ZNF208: variants seen among roughly 807,000 people sequenced by gnomAD.
ZNF208 encodes the protein zinc finger protein 208, also known as zinc finger protein 95.
ZNF208 carries 10 observed loss-of-function variants against 12.1 expected under a neutral mutation model. The ratio of observed to expected loss-of-function variants is 0.83; its 90% CI spans 0.51 to 1.40. ZNF208 has a LOEUF of 1.40. Among genes scored for constraint, ZNF208 ranks in the 40% most tolerant of loss-of-function variants. The pLI is 0.00. For missense variants in ZNF208, 1,652 were observed against 1,485.0 expected, an observed-to-expected ratio of 1.11 and a Z score of -1.85; for synonymous variants, 497 against 488.4, an observed-to-expected ratio of 1.02 and a Z score of -0.23.
Position 21,972,178 on chromosome 19 carries a change from T to A in ZNF208, c.2856A>T (p.Lys952Asn), listed in dbSNP as rs1438693939. The A allele has an allele frequency of 3.3e-5, 53 of 1,608,276 alleles. No homozygotes were observed. Among genetic ancestry groups the A allele is most frequent in the Middle Eastern group, 3.3e-4 (2 of 6,036 alleles). ...EKFYKCEACG[K>N]AYKSSSTLSY... ...TAAGGGTTGAGGATGACTTATAGGC[T>A]TTGCCACATGCTTCACATTTGTAGA... The change falls in exon 4 of 4, where the codon AAA (lysine) becomes AAT (asparagine). Residue 952 changes from lysine (K) to asparagine (N), a missense_variant. Physicochemically the swap from Lys to Asn is moderately conservative, Grantham distance 94. Transcript: ENST00000397126.
intron 1 of ZNF208, among the ~76,000 whole-genome samples, chr19:22,006,284 A>G (rs778760904): frequency 4.3e-4 from 66 of 152,136 alleles, no homozygotes; most frequent in Non-Finnish European, 7.9e-4. Flanking sequence ...TAGGAAAAAA[A>G]GCCCTTTTCT....
chr19:21,963,170 C>A (rs1439155266), downstream of ZNF208, among the ~76,000 whole-genome samples: 1 of 151,998 alleles, frequency 6.6e-6, no homozygotes, highest in Non-Finnish European at 1.5e-5. Context: ...TGGTGATACT[C>A]CTGTGCCAAA....
Position 21,970,704 on chromosome 19 carries a change from A to C in ZNF208, c.*487T>G. ...CTTCTCATTTGTAGAGTTTCTCTCC[A>C]GCATGAATTTTCTTATGTGTAGGAG... On this transcript the variant is annotated 3_prime_UTR_variant, in exon 4 of 4. Transcript: ENST00000397126. The C allele has an allele frequency of 8.5e-7, 1 of 1,174,544 alleles. No individual in the cohort carries two copies. Among genetic ancestry groups the C allele is most frequent in the African/African-American group, 1.5e-5 (1 of 66,176 alleles). 72.8% of individuals were successfully genotyped at this position (1,174,544 alleles called of 1,614,324 possible).
At chr19:21,964,238 TATACATTTTATTTCAA>T (rs1402602702), downstream of ZNF208, among the ~76,000 whole-genome samples, 1 of 151,888 alleles carries the variant, frequency 6.6e-6, no homozygotes, top group African/African-American at 2.4e-5. Context: ...CATACACATA[TATACATTTTATTTCAA>T]ATGGCTTGCT....
chr19:21,981,574 T>C (rs556697132), intron 3 of ZNF208, among the ~76,000 whole-genome samples: 1 of 152,240 alleles, frequency 6.6e-6, no homozygotes, highest in South Asian at 2.1e-4. Context: ...TAATAAGAGC[T>C]ATGTATGACA....
intron 4 of ZNF208, among the ~76,000 whole-genome samples, chr19:21,960,536 TTA>T (rs1362953839): frequency 6.6e-6 from 1 of 152,176 alleles, no homozygotes; most frequent in Non-Finnish European, 1.5e-5. Flanking sequence ...GAAAAATGTC[TTA>T]GAGGTGGGCT....
At chr19:21,953,192 G>A (rs10407563) in intron 4 of ZNF208, among the ~76,000 whole-genome samples, 4 of 152,152 alleles carry the variant, frequency 2.6e-5, no homozygotes, top group Admixed American at 6.5e-5. Flanking sequence ...CATTTGATAC[G>A]TGTACCTGAA....
chr19:21,994,763 T>C (rs191567380), intron 1 of ZNF208, among the ~76,000 whole-genome samples: 14 of 152,204 alleles, frequency 9.2e-5, no homozygotes, highest in Non-Finnish European at 1.8e-4. Context: ...CTTCCGTTTA[T>C]AAGTTCAGGT....
chr19:21,973,120 T>A lies in ZNF208; in HGVS notation c.1914A>T (p.Lys638Asn), dbSNP rs151216289. ...KAIHAGEKPY[K>N]CKECGKTFIK... is the part of the protein sequence containing the mutation. ...TAAAGGTTTTGCCACATTCTTTACATTTGTAGGGCTTCTCTCCAGCATGAA... is the reference window on the plus strand; with the variant it reads ...TAAAGGTTTTGCCACATTCTTTACAATTGTAGGGCTTCTCTCCAGCATGAA... The change falls in exon 4 of 4, where the codon AAA becomes AAT. Residue 638 changes from lysine to asparagine, a missense_variant. By Grantham distance (94) the Lys-to-Asn change is moderately conservative. This residue lies in a region of ZNF208 where 1,239 missense variants were observed against 1,086.2 expected (regional missense o/e 1.14). Coordinates refer to ENST00000397126, the MANE Select transcript of ZNF208 (RefSeq NM_007153.3). 1.6e-3 allele frequency: 2,644 copies of A among 1,607,546 alleles called. 75 individuals are homozygous for A. In the African/African-American group the frequency reaches 0.032, roughly 19 times the overall value.
chr19:22,008,477 A>T (rs1971089012), intron 1 of ZNF208, among the ~76,000 whole-genome samples: 1 of 150,790 alleles, frequency 6.6e-6, no homozygotes, highest in Non-Finnish European at 1.5e-5. Flanking sequence ...CTCTCAGGAG[A>T]CTCTGAACTA....
At chr19:21,954,170 C>T (rs1244837511) in intron 4 of ZNF208, among the ~76,000 whole-genome samples, 1 of 152,174 alleles carries the variant, frequency 6.6e-6, no homozygotes, top group Admixed American at 6.6e-5. Context: ...ATCCTGAGTT[C>T]TAATTTGATT....
rs1197595707 is a variant in ZNF208 at position 21,968,809 on chromosome 19, C to A, written c.*2382G>T. Among the ~76,000 whole-genome samples the A allele has an allele frequency of 2.0e-5, 3 of 151,966 alleles. No individual in the cohort carries two copies. Among genetic ancestry groups the A allele is most frequent in the East Asian group, 3.9e-4 (2 of 5,158 alleles). ...AAACTTCGCTGTGATTTCATATGAT[C>A]CAGGGCTTTTTATGGTTAGTAGGTT... On this transcript the variant is annotated 3_prime_UTR_variant, in exon 4 of 4. Coordinates refer to ENST00000397126, the MANE Select transcript of ZNF208 (RefSeq NM_007153.3).
At chr19:21,977,907 C>T (rs12979885) in intron 3 of ZNF208, among the ~76,000 whole-genome samples, 50,147 of 151,956 alleles carry the variant, frequency 0.33, 9,637 homozygotes, top group East Asian at 0.48. Context: ...GAAGGGCGTC[C>T]GCCATTGCTG....
chr19:21,974,036 GCCTTAT>G lies in ZNF208; in HGVS notation c.992_997del (p.His331_Ala333delinsPro). The G allele has an allele frequency of 7.5e-7, 1 of 1,330,656 alleles. No homozygotes were observed. The highest frequency in any genetic ancestry group is 9.9e-7 in the Non-Finnish European group (1 of 1,005,196). 82.4% of individuals were successfully genotyped at this position (1,330,656 alleles called of 1,614,324 possible). Reference sequence around the variant, plus strand: ...GTAGGGCTTCTCTCCAGCATGAATTGCCTTATGTGTAATAAGGGTTGAGACCTTACT... The same window carrying G: ...GTAGGGCTTCTCTCCAGCATGAATTGGTGTAATAAGGGTTGAGACCTTACT... On this transcript the variant is annotated inframe_deletion, in exon 4 of 4. Transcript: ENST00000397126.
In ZNF208 at chr19:21,995,413, C is replaced by T. The variant is rs556011863; in HGVS notation, c.4-6504G>A. ...TCTTGTATAACGGGTGAAACAAACA[C>T]GAGATGACTCATTTCTCTCACACTG... On this transcript the variant is annotated intron_variant, in intron 1 of 3. Transcript: ENST00000397126. Among the ~76,000 whole-genome samples the T allele has an allele frequency of 1.2e-4, 18 of 152,268 alleles. No individual in the cohort carries two copies. The East Asian group carries it at 2.1e-3, about 18-fold the overall frequency.
At position 21,971,884 on chromosome 19, in the gene ZNF208, A is replaced by G. The variant is rs1481431144; in HGVS notation, c.3150T>C (p.Thr1050=). Residue 1050 remains threonine, a synonymous_variant, in exon 4 of 4, where the codon ACT becomes ACC. Coordinates refer to ENST00000397126, the MANE Select transcript of ZNF208 (RefSeq NM_007153.3). ...ATTTGTAGGGTTTTTCTCCAGCATG[A>G]GTTGCCTTATGTTCAGTAAGGCTTG... ...WPSSLTEHKA[T]HAGEKPYKCE... 2 of 1,612,650 alleles carry G rather than the reference A, an allele frequency of 1.2e-6. No individual in the cohort carries two copies. Among genetic ancestry groups the G allele is most frequent in the African/African-American group, 2.7e-5 (2 of 74,920 alleles).
intron 1 of ZNF208, among the ~76,000 whole-genome samples, chr19:22,000,357 C>T (rs1288604643): frequency 7.2e-5 from 11 of 152,114 alleles, no homozygotes; most frequent in Non-Finnish European, 8.8e-5. Context: ...ATACAAACCA[C>T]ACACACAGAT....
Position 21,970,406 on chromosome 19 carries a change from G to T in ZNF208, c.*785C>A, listed in dbSNP as rs1970257020. Among the ~76,000 whole-genome samples, 1 of 152,174 alleles carries T rather than the reference G, an allele frequency of 6.6e-6. No individual in the cohort carries two copies. ...AATGTTTAGTAAGGATTGAGGAATA[G>T]CTAAAAGGCTTGCCACATTCTTCAG... On this transcript the variant is annotated 3_prime_UTR_variant, in exon 4 of 4. Transcript: ENST00000397126.
At chr19:21,945,134 G>T (rs567167035) in intron 4 of ZNF208, among the ~76,000 whole-genome samples, 4 of 152,168 alleles carry the variant, frequency 2.6e-5, no homozygotes, top group African/African-American at 9.7e-5. Context: ...CGTGCATCAA[G>T]AGGGCCATCC....
Sources: gnomAD v4.1 joint callset for allele counts (sites outside exome capture counted in the v4.1 genomes callset) on GRCh38, gnomAD v4.1.1 for gene constraint, gnomAD v4.1.1 regional missense constraint, MANE v1.5 for transcripts, NCBI Gene and HGNC (gene_info 2026-07-23, HGNC 2026-07-21) for gene names.